Variants in FANCC observed in about 807,000 individuals in gnomAD.
FANCC encodes the protein FA complementation group C, also known as Fanconi anemia group C protein.
A neutral mutation model predicts 71.3 loss-of-function variants in FANCC; 55 were observed. The observed-to-expected ratio is 0.77, with a 90% CI of 0.62 to 0.97. The LOEUF is 0.97. Among genes scored for constraint, FANCC ranks in the 50% least tolerant of loss-of-function variants. The pLI is 0.00. For synonymous variants in FANCC, 275 were observed against 244.9 expected (o/e 1.12, Z -1.15); for missense variants, 678 against 670.9 (o/e 1.01, Z -0.12).
intron 1 of FANCC, among the ~76,000 whole-genome samples, chr9:95,300,334 G>A (rs1182548810): frequency 6.6e-6 from 1 of 150,734 alleles, no homozygotes; most frequent in Admixed American, 6.6e-5. Context: ...CCAAGTAAAA[G>A]ACTAAAAGGA....
chr9:95,209,769 TC>T (rs1828376992), intron 4 of FANCC, among the ~76,000 whole-genome samples: 1 of 152,086 alleles, frequency 6.6e-6, no homozygotes. Flanking sequence ...TTCCCTCCAT[TC>T]CAAGGTAATC....
chr9:95,101,531 G>A lies in FANCC; in HGVS notation c.*176C>T. On this transcript the variant is annotated 3_prime_UTR_variant, in exon 15 of 15. Transcript: ENST00000289081. Reference sequence around the variant, plus strand: ...TGACTGAGTCTGGGCTGAGGGACCTGGCTCTGCATTTTGTAAAATAGATAC... The same window carrying A: ...TGACTGAGTCTGGGCTGAGGGACCTAGCTCTGCATTTTGTAAAATAGATAC... 1.3e-6 allele frequency: 1 copy of A among 762,926 alleles called. No homozygotes were observed. The highest frequency in any genetic ancestry group is 1.7e-5 in the South Asian group (1 of 59,556). The allele number at this position is 762,926 out of a possible 1,614,324, so 47.3% of individuals were successfully genotyped here. A position where few individuals can be genotyped will look rare whatever the true frequency, so the allele number is the denominator to read the frequency against.
intron 4 of FANCC, among the ~76,000 whole-genome samples, chr9:95,211,392 T>C (rs1417870366): frequency 6.6e-6 from 1 of 152,204 alleles, no homozygotes; most frequent in African/African-American, 2.4e-5. Context: ...GGCTGAATAA[T>C]AATCTGTGCA....
intron 6 of FANCC, among the ~76,000 whole-genome samples, chr9:95,168,631 T>G (rs542180229): frequency 6.6e-6 from 1 of 152,268 alleles, no homozygotes; most frequent in East Asian, 1.9e-4. Context: ...CCCAGGTTCA[T>G]GTGATTCTCC....
intron 1 of FANCC, among the ~76,000 whole-genome samples, chr9:95,296,228 C>T (rs1014441747): frequency 2.0e-5 from 3 of 152,172 alleles, no homozygotes; most frequent in African/African-American, 4.8e-5. Flanking sequence ...ATTAAAACCT[C>T]TCTATCACAC....
At chr9:95,153,236 T>C (rs972497454) in intron 6 of FANCC, among the ~76,000 whole-genome samples, 1 of 152,252 alleles carries the variant, frequency 6.6e-6, no homozygotes, top group African/African-American at 2.4e-5. Flanking sequence ...ATTTTCTTTA[T>C]CCACTGATTG....
chr9:95,133,298 T>C (rs1827184584), intron 8 of FANCC, among the ~76,000 whole-genome samples: 1 of 152,222 alleles, frequency 6.6e-6, no homozygotes, highest in Non-Finnish European at 1.5e-5. Context: ...ATTACGTCCT[T>C]GAACCATGAG....
intron 3 of FANCC, 97 bp downstream of exon 3, chr9:95,247,335 A>G: frequency 1.1e-6 from 1 of 927,888 alleles, no homozygotes; most frequent in Non-Finnish European, 1.7e-6. Flanking sequence ...TTCCATTAAA[A>G]AAAAAAAACT....
At chr9:95,307,968 C>T (rs1004886723) in intron 1 of FANCC, among the ~76,000 whole-genome samples, 1 of 152,194 alleles carries the variant, frequency 6.6e-6, no homozygotes, top group Non-Finnish European at 1.5e-5. Context: ...CATCACACAG[C>T]GACAGAGCAC....
intron 7 of FANCC, among the ~76,000 whole-genome samples, chr9:95,146,204 G>A (rs1053535852): frequency 6.6e-6 from 1 of 151,914 alleles, no homozygotes; most frequent in Non-Finnish European, 1.5e-5. Context: ...ATAAAGAATT[G>A]GGCCTGTCAC....
intron 4 of FANCC, among the ~76,000 whole-genome samples, chr9:95,184,621 T>C (rs772092936): frequency 1.3e-4 from 20 of 152,226 alleles, no homozygotes; most frequent in Admixed American, 2.0e-4. Flanking sequence ...TTCTCTGGCA[T>C]AGAAACTCAA....
chr9:95,167,093 TTTTTG>T (rs773954369), intron 6 of FANCC, among the ~76,000 whole-genome samples: 12 of 152,132 alleles, frequency 7.9e-5, no homozygotes, highest in Non-Finnish European at 1.6e-4. Flanking sequence ...TTGGAAGGGT[TTTTTG>T]TTTTGTTTTG....
At chr9:95,130,281 T>A (rs2135061955) in intron 8 of FANCC, among the ~76,000 whole-genome samples, 1 of 148,082 alleles carries the variant, frequency 6.8e-6, no homozygotes, top group South Asian at 2.2e-4. Context: ...ATTTGCTGAT[T>A]CTGTGTGTGT....
intron 4 of FANCC, among the ~76,000 whole-genome samples, chr9:95,221,094 T>C (rs1360566304): frequency 1.3e-5 from 2 of 151,874 alleles, no homozygotes; most frequent in Non-Finnish European, 2.9e-5. Flanking sequence ...TAGCCAGGCA[T>C]GGTGGCATGC....
intron 1 of FANCC, among the ~76,000 whole-genome samples, chr9:95,272,782 G>C (rs1263459333): frequency 6.6e-6 from 1 of 152,176 alleles, no homozygotes; most frequent in African/African-American, 2.4e-5. Context: ...AGGATTCTTA[G>C]AATTAACATC....
intron 4 of FANCC, among the ~76,000 whole-genome samples, chr9:95,203,392 A>AAAC (rs1379221285): frequency 6.6e-6 from 1 of 151,572 alleles, no homozygotes; most frequent in Non-Finnish European, 1.5e-5. Context: ...AAAAAAAAAA[A>AAAC]AAAACACCTG....
At chr9:95,291,767 G>A (rs1242715068) in intron 1 of FANCC, among the ~76,000 whole-genome samples, 1 of 151,528 alleles carries the variant, frequency 6.6e-6, no homozygotes, top group Non-Finnish European at 1.5e-5. Context: ...GGCCAACATG[G>A]CGAAACCCCA....
intron 7 of FANCC, among the ~76,000 whole-genome samples, chr9:95,144,274 G>A (rs1216999586): frequency 6.6e-6 from 1 of 152,234 alleles, no homozygotes; most frequent in East Asian, 1.9e-4. Context: ...TGGGGAACTT[G>A]CTGAGCTGAA....
chr9:95,136,827 T>C (rs941706909), intron 7 of FANCC, among the ~76,000 whole-genome samples: 2 of 152,090 alleles, frequency 1.3e-5, no homozygotes, highest in Non-Finnish European at 1.5e-5. Context: ...TAAAGGAACA[T>C]ATATTAAGGT....
Sources: gnomAD v4.1 joint callset for allele counts (sites outside exome capture counted in the v4.1 genomes callset) on GRCh38, gnomAD v4.1.1 for gene constraint, MANE v1.5 for transcripts, NCBI Gene and HGNC (gene_info 2026-07-23, HGNC 2026-07-21) for gene names.